The following ECE1 variants were observed in gnomAD, a reference collection of about 807,000 sequenced individuals.
The protein encoded by ECE1 is endothelin converting enzyme 1.
A neutral mutation model predicts 98.6 loss-of-function variants in ECE1; 35 were observed. The observed-to-expected ratio is 0.35, with a 90% confidence interval of 0.27 to 0.47. ECE1 has a LOEUF of 0.47. Ranked by LOEUF, ECE1 falls within the 20% of genes least tolerant of loss-of-function variation. The pLI is 1.00. For synonymous variants in ECE1, 394 were observed against 407.1 expected, an observed-to-expected ratio of 0.97 and a Z score of 0.39; for missense variants, 814 against 1,025.3, an observed-to-expected ratio of 0.79 and a Z score of 2.81.
In ECE1 at chr1:21,250,864, G is replaced by A. The variant is rs919371969; in HGVS notation, c.1021-3501C>T. 2.0e-5 allele frequency among the ~76,000 whole-genome samples: 3 copies of A among 152,312 alleles called. No individual in the cohort carries two copies. The South Asian group carries it at 6.2e-4, about 32-fold the overall frequency. On this transcript the variant is annotated intron_variant, in intron 8 of 18. Coordinates refer to ENST00000374893, the MANE Select transcript of ECE1 (RefSeq NM_001397.3). ...CTACTAAAAATACAAAAAATTAGCC[G>A]GGCATTATGGTGGACGCCTGTAGTC... is the stretch of plus-strand genomic sequence containing the variant.
At chr1:21,273,001 A>G in intron 3 of ECE1, 90 bp from the exon 4 acceptor site, 1 of 1,425,642 alleles carries the variant, frequency 7.0e-7, no homozygotes, top group Middle Eastern at 2.1e-4. Context: ...CAGGGGCCAC[A>G]TGTCCCACCC....
In ECE1 at chr1:21,327,751, G is replaced by C. The variant is rs1273287100; in HGVS notation, c.3+17625C>G. Among the ~76,000 whole-genome samples the C allele has an allele frequency of 6.6e-6, 1 of 152,184 alleles. No homozygotes were observed. Among genetic ancestry groups the C allele is most frequent in the Non-Finnish European group, 1.5e-5 (1 of 68,036 alleles). On this transcript the variant is annotated intron_variant, in intron 1 of 18. Coordinates refer to the ECE1 transcript ENST00000415912. The surrounding 1 kb of genome is among the most constrained non-coding windows in gnomAD (Gnocchi z 4.6). Reference sequence around the variant, plus strand: ...CCCCAGCCCCCCGGGCCTCAGACCAGTACCAGTCCATGGCCTGTTAGGAAC... The same window carrying C: ...CCCCAGCCCCCCGGGCCTCAGACCACTACCAGTCCATGGCCTGTTAGGAAC...
intron 1 of ECE1, chr1:21,298,388 C>T: frequency 3.9e-6 from 1 of 253,562 alleles, no homozygotes; most frequent in African/African-American, 2.2e-5. Flanking sequence ...CATCCCAACA[C>T]AGTGAAGAGC....
At chr1:21,272,649 G>A in intron 4 of ECE1, 50 bp downstream of exon 4, 2 of 1,608,386 alleles carry the variant, frequency 1.2e-6, no homozygotes, top group Non-Finnish European at 1.7e-6. Context: ...TGGGCCAGCT[G>A]ACAGCTCCCC....
Position 21,340,905 on chromosome 1 carries a change from C to T in ECE1, c.3+4471G>A, listed in dbSNP as rs1033414762. ...TCCCCACTGCCCTAAGGATTGAGCC[C>T]CAGGTCCTTCATATGACCATCCCTG... On this transcript the variant is annotated intron_variant, in intron 1 of 18. Coordinates refer to the ECE1 transcript ENST00000415912. This position sits in a 1 kb window ranked among gnomAD's most constrained non-coding sequence, Gnocchi z 4.6. Among the ~76,000 whole-genome samples, 4 of 148,164 alleles carry T rather than the reference C, an allele frequency of 2.7e-5. No individual in the cohort carries two copies. The highest frequency in any genetic ancestry group is 1.0e-4 in the African/African-American group (4 of 39,038).
Position 21,233,682 on chromosome 1 carries a change from T to G in ECE1, c.1567-21A>C. On this transcript the variant is annotated intron_variant, in intron 13 of 18. Coordinates refer to ENST00000374893, the MANE Select transcript of ECE1 (RefSeq NM_001397.3). The surrounding 1 kb of genome is among the most constrained non-coding windows in gnomAD (Gnocchi z 4.0). ...GTGTACTAGAAAAGAAGAAGTGGAG[T>G]CAATCACAGTGTGCCCTCGGTGGTG... is the stretch of plus-strand genomic sequence containing the variant. 1 of 1,606,670 alleles carries G rather than the reference T, an allele frequency of 6.2e-7. No homozygotes were observed. Among genetic ancestry groups the G allele is most frequent in the Non-Finnish European group, 8.5e-7 (1 of 1,173,866 alleles).
chr1:21,284,144 C>T (rs548777857), intron 2 of ECE1, among the ~76,000 whole-genome samples: 34 of 152,350 alleles, frequency 2.2e-4, no homozygotes, highest in African/African-American at 8.2e-4. Flanking sequence ...CCTGTCGCAC[C>T]TGCCCAGCCT....
At chr1:21,326,353 C>T (rs1443345005) in intron 1 of ECE1, among the ~76,000 whole-genome samples, 1 of 151,690 alleles carries the variant, frequency 6.6e-6, no homozygotes, top group Non-Finnish European at 1.5e-5. Flanking sequence ...GTTAGAGAAA[C>T]CTGGGAGACC....
At chr1:21,313,481 T>C (rs1638770248) in intron 1 of ECE1, among the ~76,000 whole-genome samples, 1 of 152,092 alleles carries the variant, frequency 6.6e-6, no homozygotes, top group Non-Finnish European at 1.5e-5. Context: ...CTAGCTGCAG[T>C]CTTGGTCCAG....
chr1:21,257,677 C>T, intron 6 of ECE1, 87 bp from the exon 7 acceptor site: 1 of 1,434,910 alleles, frequency 7.0e-7, no homozygotes, highest in South Asian at 1.2e-5. Flanking sequence ...ATGGCTGGCA[C>T]ATGGCAGCAG....
At position 21,233,423 on chromosome 1, in the gene ECE1, G is replaced by A; in HGVS notation, c.1670+135C>T. 2 of 723,728 alleles carry A rather than the reference G, an allele frequency of 2.8e-6. No homozygotes were observed. Among genetic ancestry groups the A allele is most frequent in the Non-Finnish European group, 4.6e-6 (2 of 437,478 alleles). 44.8% of individuals were successfully genotyped at this position (723,728 alleles called of 1,614,324 possible). A position where few individuals can be genotyped will look rare whatever the true frequency, so the allele number is the denominator to read the frequency against. On this transcript the variant is annotated intron_variant, in intron 14 of 18. Transcript: ENST00000374893. The surrounding 1 kb of genome is among the most constrained non-coding windows in gnomAD (Gnocchi z 4.0). Reference sequence around the variant, plus strand: ...TTCATCTGAAAAGTGGGATAACAAGGGCATCCACTCTTCAGACGGCTCTCG... The same window carrying A: ...TTCATCTGAAAAGTGGGATAACAAGAGCATCCACTCTTCAGACGGCTCTCG...
At chr1:21,279,099 C>T (rs2098251142) in intron 3 of ECE1, 92 bp downstream of exon 3, 14 of 1,607,250 alleles carry the variant, frequency 8.7e-6, no homozygotes, top group Non-Finnish European at 1.1e-5. Flanking sequence ...AGAGCCCTGC[C>T]CCGGCTTAAG....
At chr1:21,336,840 T>C (rs977518179) in intron 1 of ECE1, among the ~76,000 whole-genome samples, 1 of 151,570 alleles carries the variant, frequency 6.6e-6, no homozygotes, top group African/African-American at 2.4e-5. Flanking sequence ...GAGACTCCAG[T>C]GTGGGGGACA....
At position 21,233,448 on chromosome 1, in the gene ECE1, G is replaced by T. The variant is rs7530498; in HGVS notation, c.1670+110C>A. On this transcript the variant is annotated intron_variant, in intron 14 of 18. Coordinates refer to ENST00000374893, the MANE Select transcript of ECE1 (RefSeq NM_001397.3). The surrounding 1 kb of genome is among the most constrained non-coding windows in gnomAD (Gnocchi z 4.0). ...GGCATCCACTCTTCAGACGGCTCTC[G>T]TGATAGCTGATCGGGTGCACAGTGA... The T allele has an allele frequency of 0.027, 26,246 of 963,778 alleles. 4,281 individuals are homozygous for T. In the African/African-American group the frequency reaches 0.36, roughly 13 times the overall value. 59.7% of individuals were successfully genotyped at this position (963,778 alleles called of 1,614,324 possible).
At chr1:21,336,272 T>A (rs1222693267) in intron 1 of ECE1, among the ~76,000 whole-genome samples, 1 of 152,154 alleles carries the variant, frequency 6.6e-6, no homozygotes, top group African/African-American at 2.4e-5. Flanking sequence ...TACCAGCTAC[T>A]CAGGAGGCTG....
In ECE1 at chr1:21,327,399, C is replaced by T. The variant is rs1488051532; in HGVS notation, c.3+17977G>A. 6.6e-6 allele frequency among the ~76,000 whole-genome samples: 1 copy of T among 152,200 alleles called. No individual in the cohort carries two copies. Among genetic ancestry groups the T allele is most frequent in the Non-Finnish European group, 1.5e-5 (1 of 68,032 alleles). On this transcript the variant is annotated intron_variant, in intron 1 of 18. Coordinates refer to the ECE1 transcript ENST00000415912. This position sits in a 1 kb window ranked among gnomAD's most constrained non-coding sequence, Gnocchi z 4.6. ...CTCCAATCAATCACCAGGCCCTGCC[C>T]ACTCTACTCAGTTTCTCTGTCTGCC...
intron 17 of ECE1, among the ~76,000 whole-genome samples, chr1:21,222,562 C>T (rs1475071438): frequency 2.0e-5 from 3 of 152,170 alleles, no homozygotes; most frequent in Admixed American, 1.3e-4. Flanking sequence ...GCCACATGGC[C>T]GGGTGCGATG....
In ECE1 at chr1:21,255,961, C is replaced by T; in HGVS notation, c.1006G>A (p.Ala336Thr). The part of the protein sequence containing the change: ...DEELIYHKVT[A>T]AELQTLAPAI... Reference sequence around the variant, plus strand: ...GCTCAAGTTACCTGCAGCTCGGCTGCCGTCACTTTGTGGTAGATGAGCTCC... The same window carrying T: ...GCTCAAGTTACCTGCAGCTCGGCTGTCGTCACTTTGTGGTAGATGAGCTCC... The change falls in exon 8 of 19, where the codon GCA becomes ACA. Residue 336 changes from alanine (A) to threonine (T), a missense_variant. Physicochemically the swap from Ala to Thr is moderately conservative, Grantham distance 58. This residue lies in a region of ECE1 where 105 missense variants were observed against 179.1 expected (regional missense o/e 0.59). Transcript: ENST00000374893. The T allele has an allele frequency of 6.2e-7, 1 of 1,614,086 alleles. No individual in the cohort carries two copies. Among genetic ancestry groups the T allele is most frequent in the Non-Finnish European group, 8.5e-7 (1 of 1,180,002 alleles).
intron 2 of ECE1, chr1:21,279,740 G>A (rs1569631406): frequency 1.6e-6 from 2 of 1,270,002 alleles, no homozygotes; most frequent in Non-Finnish European, 2.0e-6. Flanking sequence ...CAGGGACAAG[G>A]GTGACACAGC....
Sources: allele counts gnomAD v4.1 joint callset (sites outside exome capture counted in the v4.1 genomes callset), GRCh38; gene constraint gnomAD v4.1.1; regional missense constraint gnomAD v4.1.1; non-coding constraint Gnocchi (gnomAD v3.1); transcripts MANE v1.5; gene names NCBI Gene and HGNC (gene_info 2026-07-23, HGNC 2026-07-21).